The following PIGN variants were observed in gnomAD, a reference collection of about 807,000 sequenced individuals.
PIGN encodes GPI ethanolamine phosphate transferase 1.
A neutral mutation model predicts 125.4 loss-of-function variants in PIGN; 117 were observed. That is an observed-to-expected ratio of 0.93 (90% CI 0.80 to 1.09). The LOEUF (loss-of-function observed/expected upper bound fraction) is 1.09. Ranked by LOEUF, PIGN falls within the 50% of genes least tolerant of loss-of-function variation. PIGN has a pLI of 0.00. For synonymous variants in PIGN, 392 were observed against 377.8 expected, an observed-to-expected ratio of 1.04 and a Z score of -0.44; for missense variants, 1,075 against 1,094.9, an observed-to-expected ratio of 0.98 and a Z score of 0.26.
rs1401526667 is a variant in PIGN at position 62,157,799 on chromosome 18, T to G, written c.231A>C (p.Ile77=). 3 of 1,610,652 alleles carry G rather than the reference T, an allele frequency of 1.9e-6. No individual in the cohort carries two copies. The East Asian group carries it at 6.7e-5, about 36-fold the overall frequency. Reference sequence around the variant, plus strand: ...ATATGCCCCAGCTGCCTTCATGCATTATGATATTCCTAAAAGATATTAAAG... The same window carrying G: ...ATATGCCCCAGCTGCCTTCATGCATGATGATATTCCTAAAAGATATTAAAG... ...NSRAPFIRNI[I]MHEGSWGISH... Residue 77 remains isoleucine, a synonymous_variant, in exon 5 of 31, where the codon ATA becomes ATC. Transcript: ENST00000640252.
chr18:62,026,867 C>T (rs2030126346), intron 23 of PIGN, among the ~76,000 whole-genome samples: 1 of 152,190 alleles, frequency 6.6e-6, no homozygotes, highest in Non-Finnish European at 1.5e-5. Flanking sequence ...ATCAGTGTGG[C>T]CTGAGAAGGA....
intron 14 of PIGN, among the ~76,000 whole-genome samples, chr18:62,118,848 A>G (rs1246863145): frequency 2.0e-5 from 3 of 151,680 alleles, no homozygotes; most frequent in Non-Finnish European, 4.4e-5. Flanking sequence ...GAACTCAGGT[A>G]AAGAAAGAAA....
chr18:62,062,320 T>C (rs569672134), intron 30 of PIGN, among the ~76,000 whole-genome samples: 15 of 152,322 alleles, frequency 9.8e-5, no homozygotes, highest in Admixed American at 2.6e-4. Flanking sequence ...GTGGGAAATT[T>C]ATGTAGATTT....
intron 30 of PIGN, among the ~76,000 whole-genome samples, chr18:62,050,870 G>A (rs1168811597): frequency 3.3e-5 from 5 of 150,862 alleles, no homozygotes; most frequent in Admixed American, 1.3e-4. Context: ...TTTGAGATAC[G>A]TCCCATCAAT....
chr18:62,088,939 A>G lies in PIGN; in HGVS notation c.2284-97T>C, dbSNP rs1344701771. 4.3e-6 allele frequency: 3 copies of G among 697,590 alleles called. No homozygotes were observed. In the East Asian group the frequency reaches 8.3e-5, roughly 19 times the overall value. 43.2% of individuals were successfully genotyped at this position (697,590 alleles called of 1,614,324 possible). On this transcript the variant is annotated intron_variant, in intron 24 of 30. Transcript: ENST00000640252. ...CAATGGCTAAGTTACAATGGCTAGA[A>G]ACATGCCCTGTGCTGACAAAAAAAT...
At position 62,096,529 on chromosome 18, in the gene PIGN, T is replaced by C. The variant is rs1422282006; in HGVS notation, c.2078-579A>G. Reference sequence around the variant, plus strand: ...ATGAATTATTTTCTTTTTTTTTTTTTTTTTTTTTTTTTTTATTATACTCTA... The same window carrying C: ...ATGAATTATTTTCTTTTTTTTTTTTCTTTTTTTTTTTTTTATTATACTCTA... On this transcript the variant is annotated intron_variant, in intron 22 of 30. Coordinates refer to ENST00000640252, the MANE Select transcript of PIGN (RefSeq NM_176787.5). Among the ~76,000 whole-genome samples the C allele has an allele frequency of 1.5e-3, 205 of 139,192 alleles. 2 individuals are homozygous for C. The highest frequency in any genetic ancestry group is 5.1e-3 in the African/African-American group (188 of 36,680). 91.3% of individuals were successfully genotyped at this position (139,192 alleles called of 152,430 possible). A position where few individuals can be genotyped will look rare whatever the true frequency, so the allele number is the denominator to read the frequency against.
At chr18:62,084,634 T>C (rs1388692226) in intron 26 of PIGN, 28 bp from the exon 27 acceptor site, 1 of 1,337,620 alleles carries the variant, frequency 7.5e-7, no homozygotes, top group African/African-American at 1.5e-5. Flanking sequence ...GGAAAAAGAA[T>C]TTAGAATTCA....
chr18:62,025,076 C>T (rs1446922879), intron 23 of PIGN, among the ~76,000 whole-genome samples: 1 of 152,126 alleles, frequency 6.6e-6, no homozygotes, highest in Non-Finnish European at 1.5e-5. Flanking sequence ...TAAAATTGCA[C>T]AAGATTTCTA....
chr18:62,049,546 G>T (rs1283835366), intron 30 of PIGN, among the ~76,000 whole-genome samples: 2 of 151,318 alleles, frequency 1.3e-5, no homozygotes, highest in African/African-American at 2.4e-5. Context: ...TTTTTGATGG[G>T]GTTGTTTTTT....
chr18:62,101,335 T>C (rs2034431109), intron 21 of PIGN, among the ~76,000 whole-genome samples, 152 bp from the exon 22 acceptor site: 1 of 152,222 alleles, frequency 6.6e-6, no homozygotes, highest in Non-Finnish European at 1.5e-5. Context: ...GTACAGGAAC[T>C]GATGCAAGTT....
intron 6 of PIGN, among the ~76,000 whole-genome samples, chr18:62,156,408 A>G (rs1010319085): frequency 6.6e-6 from 1 of 152,140 alleles, no homozygotes; most frequent in Non-Finnish European, 1.5e-5. Flanking sequence ...GGCTCACTGC[A>G]GCCTCAACAT....
intron 23 of PIGN, among the ~76,000 whole-genome samples, chr18:62,027,288 C>T (rs1949688250): frequency 1.3e-5 from 2 of 152,184 alleles, no homozygotes; most frequent in African/African-American, 2.4e-5. Context: ...ATAGTTTGAA[C>T]CCCAAATATC....
At chr18:62,033,622 G>A (rs1258508304) in intron 23 of PIGN, among the ~76,000 whole-genome samples, 1 of 152,048 alleles carries the variant, frequency 6.6e-6, no homozygotes, top group East Asian at 1.9e-4. Context: ...ATGCTTATTT[G>A]AACTCTTCCC....
chr18:62,064,036 T>C (rs1287712216), intron 30 of PIGN, among the ~76,000 whole-genome samples: 1 of 151,928 alleles, frequency 6.6e-6, no homozygotes, highest in Admixed American at 6.6e-5. Flanking sequence ...ATGTAACAAA[T>C]CTGCACGTTG....
At chr18:62,077,991 T>C (rs2033259856) in intron 28 of PIGN, among the ~76,000 whole-genome samples, 1 of 152,198 alleles carries the variant, frequency 6.6e-6, no homozygotes, top group Non-Finnish European at 1.5e-5. Context: ...TTTCCTCTTA[T>C]AAGGACATCA....
At chr18:62,018,151 A>G (rs1196218315) in intron 23 of PIGN, among the ~76,000 whole-genome samples, 1 of 152,212 alleles carries the variant, frequency 6.6e-6, no homozygotes, top group Non-Finnish European at 1.5e-5. Context: ...AACTAGAGGA[A>G]TCATAGCAAA....
At chr18:62,030,093 CT>C (rs577648617) in intron 23 of PIGN, among the ~76,000 whole-genome samples, 50 of 152,318 alleles carry the variant, frequency 3.3e-4, no homozygotes, top group African/African-American at 1.2e-3. Flanking sequence ...AGAACAGCAG[CT>C]CCAGCCATCA....
chr18:62,106,811 G>A lies in PIGN; in HGVS notation c.1745C>T (p.Thr582Ile). The change falls in exon 19 of 31, where the codon ACT (threonine) becomes ATT (isoleucine). Residue 582 changes from threonine (T) to isoleucine (I), a missense_variant. By Grantham distance (89) the Thr-to-Ile change is moderately conservative (BLOSUM62 -1). Transcript: ENST00000640252. ...TACCTTTGCTCGAGTCCACAGCCGA[G>A]TGAGAAATGGCCAAGCTGCAAAGGC... ...LTAFAAWPFL[T>I]RLWTRAKMTS... The A allele has an allele frequency of 6.2e-7, 1 of 1,607,558 alleles. No homozygotes were observed. Among genetic ancestry groups the A allele is most frequent in the Non-Finnish European group, 8.5e-7 (1 of 1,176,806 alleles).
chr18:62,154,546 T>G lies in PIGN; in HGVS notation c.548A>C (p.Lys183Thr). 2 of 1,440,690 alleles carry G rather than the reference T, an allele frequency of 1.4e-6. No individual in the cohort carries two copies. Among genetic ancestry groups the G allele is most frequent in the Non-Finnish European group, 2.0e-6 (2 of 1,023,582 alleles). The allele number at this position is 1,440,690 out of a possible 1,614,324, so 89.2% of individuals were successfully genotyped here. A position where few individuals can be genotyped will look rare whatever the true frequency, so the allele number is the denominator to read the frequency against. ...TATTAACCACTCAATAGCACAAACC[T>G]TAACATTATCAAAAACCCACGTATC... ...KLDTWVFDNVKDFFHHARNNQ... is the reference protein window; with the variant it reads ...KLDTWVFDNVTDFFHHARNNQ... The change falls in exon 7 of 31, where the codon AAG becomes ACG. Residue 183 changes from lysine (K) to threonine (T), a missense_variant and splice_region_variant. By Grantham distance (78) the Lys-to-Thr change is moderately conservative (BLOSUM62 -1). Around this residue, in one of 3 missense-constraint regions of PIGN, gnomAD observed 915 missense variants for 908.7 expected, o/e 1.01. Coordinates refer to ENST00000640252, the MANE Select transcript of PIGN (RefSeq NM_176787.5).
Sources: allele counts gnomAD v4.1 joint callset (sites outside exome capture counted in the v4.1 genomes callset), GRCh38; gene constraint gnomAD v4.1.1; regional missense constraint gnomAD v4.1.1; transcripts MANE v1.5; gene names NCBI Gene and HGNC (gene_info 2026-07-23, HGNC 2026-07-21).